ARHGAP24: variants seen among roughly 807,000 people sequenced by gnomAD.
ARHGAP24 encodes the protein Rho GTPase activating protein 24, also known as rho GTPase-activating protein 24.
In ARHGAP24, 50 loss-of-function variants were observed where a neutral mutation model predicts 76.4. The observed-to-expected ratio is 0.65, with a 90% CI of 0.52 to 0.83. The LOEUF is 0.83. Ranked by LOEUF, ARHGAP24 falls within the 40% of genes least tolerant of loss-of-function variation. The pLI is 0.00. For missense variants in ARHGAP24, 930 were observed against 914.2 expected, an observed-to-expected ratio of 1.02 and a Z score of -0.22; for synonymous variants, 345 against 323.3, an observed-to-expected ratio of 1.07 and a Z score of -0.72.
intron 4 of ARHGAP24, chr4:85,930,730 G>GA: frequency 7.8e-7 from 1 of 1,279,218 alleles, no homozygotes; most frequent in Non-Finnish European, 9.9e-7. Flanking sequence ...AGAAAAGGAA[G>GA]TTTTTTTTTG....
intron 1 of ARHGAP24, among the ~76,000 whole-genome samples, chr4:85,538,826 G>A (rs1725572092): frequency 6.6e-6 from 1 of 152,100 alleles, no homozygotes; most frequent in Non-Finnish European, 1.5e-5. Flanking sequence ...ATTTCTATCA[G>A]TCATCAATAG....
intron 5 of ARHGAP24, among the ~76,000 whole-genome samples, chr4:85,970,791 C>G (rs776210331): frequency 1.3e-5 from 2 of 152,120 alleles, no homozygotes; most frequent in Non-Finnish European, 2.9e-5. Context: ...TTGTTCACTA[C>G]TACTCTTCCC....
rs530946906 is a variant in ARHGAP24, at chr4:85,935,541, T to C, written c.392-6525T>C. Among the ~76,000 whole-genome samples, 294 of 152,350 alleles carry C rather than the reference T, an allele frequency of 1.9e-3. 1 individual carries two copies. Among genetic ancestry groups the C allele is most frequent in the Non-Finnish European group, 3.2e-3 (216 of 68,032 alleles). ...AGAATGCCTTGGAAAAAATTATGTTTGAATTCAATTAACATAACATAGTGA... is the reference window on the plus strand; with the variant it reads ...AGAATGCCTTGGAAAAAATTATGTTCGAATTCAATTAACATAACATAGTGA... On this transcript the variant is annotated intron_variant, in intron 4 of 9. Coordinates refer to ENST00000395184, the MANE Select transcript of ARHGAP24 (RefSeq NM_001025616.3).
At chr4:85,949,093 G>A (rs975551842) in intron 5 of ARHGAP24, among the ~76,000 whole-genome samples, 3 of 152,098 alleles carry the variant, frequency 2.0e-5, no homozygotes, top group Admixed American at 1.3e-4. Flanking sequence ...TGCCGCAGTC[G>A]ATAGTCTTGT....
chr4:85,692,566 C>T (rs113198534), intron 2 of ARHGAP24, among the ~76,000 whole-genome samples: 1,527 of 152,076 alleles, frequency 0.01, 36 homozygotes, highest in African/African-American at 0.035. Context: ...ATTCAAAGAA[C>T]CAGTGTTTGG....
chr4:85,774,287 CT>C (rs1230930120), intron 3 of ARHGAP24, among the ~76,000 whole-genome samples: 5 of 152,190 alleles, frequency 3.3e-5, no homozygotes, highest in Non-Finnish European at 7.4e-5. Flanking sequence ...TAATTTACAG[CT>C]CACTGGAGGG....
intron 1 of ARHGAP24, among the ~76,000 whole-genome samples, chr4:85,556,519 G>A (rs2128092): frequency 0.57 from 86,250 of 151,990 alleles, 26,146 homozygotes; most frequent in Non-Finnish European, 0.68. Context: ...GGACAGTCAG[G>A]GCAGTACTGC....
intron 2 of ARHGAP24, among the ~76,000 whole-genome samples, chr4:85,598,326 C>T (rs1021442417): frequency 6.6e-6 from 1 of 151,816 alleles, no homozygotes; most frequent in African/African-American, 2.4e-5. Flanking sequence ...TAATTATGTC[C>T]CATTCTAATT....
intron 3 of ARHGAP24, among the ~76,000 whole-genome samples, chr4:85,805,358 A>C (rs1197742506): frequency 1.3e-5 from 2 of 152,288 alleles, no homozygotes. Context: ...ATACTTCTTC[A>C]GAGCACAGTC....
At chr4:85,644,779 T>G (rs959483165) in intron 2 of ARHGAP24, among the ~76,000 whole-genome samples, 1 of 152,124 alleles carries the variant, frequency 6.6e-6, no homozygotes, top group African/African-American at 2.4e-5. Context: ...CTGAACTGTT[T>G]CAAGAAATAG....
chr4:85,763,536 C>G (rs537250411), intron 3 of ARHGAP24, among the ~76,000 whole-genome samples: 1 of 152,218 alleles, frequency 6.6e-6, no homozygotes, highest in Non-Finnish European at 1.5e-5. Flanking sequence ...AATGAAACTA[C>G]CAACCAGTAA....
intron 2 of ARHGAP24, among the ~76,000 whole-genome samples, chr4:85,630,195 C>T (rs1578093208): frequency 6.6e-6 from 1 of 152,026 alleles, no homozygotes. Context: ...TCTGGTTGGT[C>T]CTTCTTTATG....
chr4:85,997,313 A>T (rs1032840664), intron 9 of ARHGAP24, among the ~76,000 whole-genome samples: 1 of 145,044 alleles, frequency 6.9e-6, no homozygotes, highest in African/African-American at 2.6e-5. Context: ...TAGATGATAG[A>T]TAGATAGATA....
At chr4:85,795,732 T>A (rs78851610) in intron 3 of ARHGAP24, among the ~76,000 whole-genome samples, 1 of 139,656 alleles carries the variant, frequency 7.2e-6, no homozygotes, top group South Asian at 2.2e-4. Context: ...TAATGTAATA[T>A]GGTAAAAAAA....
At chr4:85,917,541 T>A (rs994164423) in intron 3 of ARHGAP24, among the ~76,000 whole-genome samples, 1 of 152,118 alleles carries the variant, frequency 6.6e-6, no homozygotes, top group African/African-American at 2.4e-5. Flanking sequence ...AGTGTAAAAG[T>A]GTTCCTATTT....
intron 1 of ARHGAP24, among the ~76,000 whole-genome samples, chr4:85,536,304 A>G (rs1252037115): frequency 6.6e-6 from 1 of 152,140 alleles, no homozygotes; most frequent in Non-Finnish European, 1.5e-5. Flanking sequence ...CTTCTCAGGG[A>G]GGTCAAAAAC....
In ARHGAP24 at chr4:85,994,600, C is replaced by A. The variant is rs776467309; in HGVS notation, c.946C>A (p.Gln316Lys). The A allele has an allele frequency of 1.2e-6, 2 of 1,614,160 alleles. No homozygotes were observed. Among genetic ancestry groups the A allele is most frequent in the South Asian group, 2.2e-5 (2 of 91,086 alleles). The change falls in exon 9 of 10, where the codon CAG (glutamine) becomes AAG (lysine). Residue 316 changes from glutamine to lysine, a missense_variant. Gln to Lys is a moderately conservative substitution (Grantham distance 53). Coordinates refer to ENST00000395184, the MANE Select transcript of ARHGAP24 (RefSeq NM_001025616.3). ...TIMEGTVVVQ[Q>K]LMSVMISKHD... ...AATTCTAGGCACTGTGGTGGTCCAG[C>A]AGTTGATGTCAGTGATGATTAGCAA...
intron 3 of ARHGAP24, among the ~76,000 whole-genome samples, chr4:85,908,037 A>G (rs1222350026): frequency 1.3e-5 from 2 of 152,184 alleles, no homozygotes; most frequent in South Asian, 4.1e-4. Flanking sequence ...AACTTGAAAA[A>G]GCTACACTGC....
rs984197778 is a variant in ARHGAP24 at position 85,857,558 on chromosome 4, T to C, written c.269-66090T>C. Reference sequence around the variant, plus strand: ...TTTCCTCATAATGCTTTTATTTTCATTTGGAAATTATCTTTATGCAGTTTT... The same window carrying C: ...TTTCCTCATAATGCTTTTATTTTCACTTGGAAATTATCTTTATGCAGTTTT... On this transcript the variant is annotated intron_variant, in intron 3 of 9. Coordinates refer to ENST00000395184, the MANE Select transcript of ARHGAP24 (RefSeq NM_001025616.3). Among the ~76,000 whole-genome samples the C allele has an allele frequency of 2.6e-5, 4 of 152,314 alleles. No homozygotes were observed. In the East Asian group the frequency reaches 7.7e-4, roughly 29 times the overall value.
Sources: allele counts gnomAD v4.1 joint callset (sites outside exome capture counted in the v4.1 genomes callset), GRCh38; gene constraint gnomAD v4.1.1; transcripts MANE v1.5; gene names NCBI Gene and HGNC (gene_info 2026-07-23, HGNC 2026-07-21).